RBFOX1: variants seen among roughly 807,000 people sequenced by gnomAD.
RBFOX1 encodes RNA binding fox-1 homolog 1, also known as RNA binding protein fox-1 homolog 1.
Under a neutral mutation model 57.7 loss-of-function variants are expected in RBFOX1, and 8 were observed. The ratio of observed to expected loss-of-function variants is 0.14; its 90% CI spans 0.08 to 0.25. RBFOX1 has a LOEUF of 0.25. Ranked by LOEUF, RBFOX1 falls within the 10% of genes least tolerant of loss-of-function variation. The pLI, the probability that RBFOX1 is intolerant of heterozygous loss-of-function variation, is 1.00. For missense variants in RBFOX1, 611 were observed against 548.5 expected, an observed-to-expected ratio of 1.11 and a Z score of -1.14; for synonymous variants, 326 against 222.4, an observed-to-expected ratio of 1.47 and a Z score of -4.15.
chr16:6,983,074 C>T (rs1405035566), intron 3 of RBFOX1, among the ~76,000 whole-genome samples: 3 of 147,048 alleles, frequency 2.0e-5, no homozygotes, highest in Non-Finnish European at 3.0e-5. Flanking sequence ...CATCACATTA[C>T]TGGGGAGTGG....
rs557654630 is a variant in RBFOX1 at position 7,475,955 on chromosome 16, T to C, written c.28-42192T>C. 5.3e-5 allele frequency among the ~76,000 whole-genome samples: 8 copies of C among 152,104 alleles called. No homozygotes were observed. The South Asian group carries it at 1.7e-3, about 32-fold the overall frequency. On this transcript the variant is annotated intron_variant, in intron 4 of 15. Transcript: ENST00000550418. The stretch of plus-strand genomic sequence containing the variant: ...GCAGAAGAGCCAGTAGAGTAAGACA[T>C]TATTTTATTTTATTTATTTTTTATT...
At chr16:6,505,719 G>A (rs991108533) in intron 2 of RBFOX1, among the ~76,000 whole-genome samples, 1 of 152,220 alleles carries the variant, frequency 6.6e-6, no homozygotes, top group Non-Finnish European at 1.5e-5. Context: ...CTTTGGTACA[G>A]ACTAAAAACT....
intron 3 of RBFOX1, among the ~76,000 whole-genome samples, chr16:6,828,934 G>T (rs1377436794): frequency 6.6e-6 from 1 of 152,026 alleles, no homozygotes; most frequent in Non-Finnish European, 1.5e-5. Context: ...GCTCTCTTGA[G>T]TCCGCCTACA....
At chr16:6,526,225 A>T (rs1353175741) in intron 2 of RBFOX1, among the ~76,000 whole-genome samples, 2 of 152,190 alleles carry the variant, frequency 1.3e-5, no homozygotes, top group African/African-American at 2.4e-5. Context: ...GAGGGGGCTC[A>T]CCCCAATGTT....
At chr16:5,454,146 G>T (rs1007463984) in intron 1 of RBFOX1, among the ~76,000 whole-genome samples, 1 of 152,182 alleles carries the variant, frequency 6.6e-6, no homozygotes, top group African/African-American at 2.4e-5. Context: ...CGTTCTTGTT[G>T]ACTCAAGGTG....
rs561523281 is a variant in RBFOX1 at position 6,162,251 on chromosome 16, G to A, written c.-127+142259G>A. Among the ~76,000 whole-genome samples, 67 of 152,226 alleles carry A rather than the reference G, an allele frequency of 4.4e-4. 1 individual carries two copies. The highest frequency in any genetic ancestry group is 1.5e-3 in the African/African-American group (63 of 41,538). ...ACCTGTGTCAGCCTCCCTAGTAGCTGGGATTACAGGCACACCACTACATCC... is the reference window on the plus strand; with the variant it reads ...ACCTGTGTCAGCCTCCCTAGTAGCTAGGATTACAGGCACACCACTACATCC... On this transcript the variant is annotated intron_variant, in intron 1 of 15. Transcript: ENST00000550418.
chr16:6,783,914 T>C (rs6500829), intron 3 of RBFOX1, among the ~76,000 whole-genome samples: 19,634 of 152,114 alleles, frequency 0.13, 1,531 homozygotes, highest in Admixed American at 0.23. Context: ...CTGAATATAA[T>C]GTTCTAGCTT....
At chr16:5,580,127 G>A (rs1042144536) in intron 2 of RBFOX1, among the ~76,000 whole-genome samples, 1 of 152,184 alleles carries the variant, frequency 6.6e-6, no homozygotes, top group African/African-American at 2.4e-5. Context: ...AGCCCCAAGA[G>A]GGCCTGGACT....
chr16:5,557,286 T>C (rs913843160), intron 2 of RBFOX1, among the ~76,000 whole-genome samples: 8 of 150,826 alleles, frequency 5.3e-5, no homozygotes, highest in South Asian at 2.1e-4. Context: ...AATAAATAAA[T>C]AAATAAATAA....
intron 3 of RBFOX1, among the ~76,000 whole-genome samples, chr16:6,854,356 A>G (rs2057401701): frequency 6.6e-6 from 1 of 152,112 alleles, no homozygotes; most frequent in Admixed American, 6.5e-5. Flanking sequence ...TGAAGAGGAA[A>G]GGGCTTAAGG....
chr16:5,962,827 T>G lies in RBFOX1; in HGVS notation c.351+95492T>G, dbSNP rs1446953847. 4.6e-5 allele frequency among the ~76,000 whole-genome samples: 7 copies of G among 151,006 alleles called. No individual in the cohort carries two copies. In the East Asian group the frequency reaches 9.7e-4, roughly 21 times the overall value. On this transcript the variant is annotated intron_variant, in intron 4 of 19. Transcript: ENST00000641259. ...GAGAAGTGAGGGTTTGGTTTTTTTT[T>G]TTTTTTTTTTAATATATAATGATAA...
Position 6,303,314 on chromosome 16 carries a change from G to A in RBFOX1, c.-126-13681G>A, listed in dbSNP as rs180992596. Among the ~76,000 whole-genome samples the A allele has an allele frequency of 4.8e-3, 729 of 150,958 alleles. 7 individuals are homozygous for A. Among genetic ancestry groups the A allele is most frequent in the African/African-American group, 0.017 (711 of 41,420 alleles). ...AAATAAGATAATAAGGTGCTCTGGA[G>A]TCCAGTACGTATTAAATAGATTTTT... On this transcript the variant is annotated intron_variant, in intron 1 of 15. Transcript: ENST00000550418.
chr16:7,142,267 T>A (rs1387030256), intron 4 of RBFOX1, among the ~76,000 whole-genome samples: 3 of 152,062 alleles, frequency 2.0e-5, no homozygotes, highest in Non-Finnish European at 4.4e-5. Context: ...CAAGCAATCT[T>A]CCCACCTCAG....
Position 7,444,374 on chromosome 16 carries a change from C to T in RBFOX1, c.28-73773C>T, listed in dbSNP as rs377290161. Among the ~76,000 whole-genome samples the T allele has an allele frequency of 5.3e-5, 8 of 152,122 alleles. No homozygotes were observed. In the East Asian group the frequency reaches 1.5e-3, roughly 29 times the overall value. On this transcript the variant is annotated intron_variant, in intron 4 of 15. Coordinates refer to ENST00000550418, the MANE Select transcript of RBFOX1 (RefSeq NM_018723.4). The stretch of plus-strand genomic sequence containing the variant: ...AAGTTAGTTATCTAGATGTTAGAGT[C>T]TAGAGATGGGGCTTCAATGAGGGAT...
chr16:7,141,731 A>G (rs1241066860), intron 4 of RBFOX1, among the ~76,000 whole-genome samples: 2 of 152,008 alleles, frequency 1.3e-5, no homozygotes, highest in Admixed American at 1.3e-4. Flanking sequence ...TCATCATCCT[A>G]TCCACCAGTA....
intron 4 of RBFOX1, among the ~76,000 whole-genome samples, chr16:5,904,803 C>G (rs982237223): frequency 6.6e-6 from 1 of 151,538 alleles, no homozygotes; most frequent in Non-Finnish European, 1.5e-5. Context: ...CAGTGAAACC[C>G]TGTCTCTACT....
At chr16:5,631,006 C>T (rs562435039) in intron 3 of RBFOX1, among the ~76,000 whole-genome samples, 1 of 152,268 alleles carries the variant, frequency 6.6e-6, no homozygotes, top group South Asian at 2.1e-4. Context: ...AAGTGATTCC[C>T]CTTGGAAGGG....
At chr16:6,827,533 G>C (rs2154282154) in intron 3 of RBFOX1, among the ~76,000 whole-genome samples, 1 of 152,192 alleles carries the variant, frequency 6.6e-6, no homozygotes, top group Non-Finnish European at 1.5e-5. Flanking sequence ...GTGTGACCAT[G>C]TCACTCCTCT....
intron 3 of RBFOX1, among the ~76,000 whole-genome samples, chr16:5,785,747 G>A (rs1337895202): frequency 6.6e-6 from 1 of 152,042 alleles, no homozygotes; most frequent in Non-Finnish European, 1.5e-5. Context: ...GGTTGGTCTT[G>A]AACTCCCGAC....
Sources: allele counts gnomAD v4.1 joint callset (sites outside exome capture counted in the v4.1 genomes callset), GRCh38; gene constraint gnomAD v4.1.1; transcripts MANE v1.5; gene names NCBI Gene and HGNC (gene_info 2026-07-23, HGNC 2026-07-21).